CLPTM1: variants seen among roughly 807,000 people sequenced by gnomAD.
CLPTM1 encodes putative lipid scramblase CLPTM1.
A neutral mutation model predicts 77.3 loss-of-function variants in CLPTM1; 21 were observed. That is an observed-to-expected ratio of 0.27 (90% CI 0.19 to 0.39). The LOEUF (loss-of-function observed/expected upper bound fraction) is 0.39. CLPTM1 is among the 10% of genes least tolerant of loss of function. CLPTM1 has a pLI of 1.00. For synonymous variants in CLPTM1, 373 were observed against 381.0 expected, an observed-to-expected ratio of 0.98 and a Z score of 0.24; for missense variants, 642 against 921.2, an observed-to-expected ratio of 0.70 and a Z score of 3.92.
chr19:44,968,332 T>C (rs1244680364), intron 2 of CLPTM1, among the ~76,000 whole-genome samples: 1 of 152,204 alleles, frequency 6.6e-6, no homozygotes, highest in Non-Finnish European at 1.5e-5. Flanking sequence ...GTCTGTGTTT[T>C]TGAGCACATG....
upstream of CLPTM1, chr19:44,954,922 G>C (rs1309285712): frequency 1.4e-6 from 2 of 1,476,622 alleles, no homozygotes; most frequent in Admixed American, 2.1e-5. Flanking sequence ...CTAGTTCTTC[G>C]AATCAGAATA....
chr19:44,991,446 C>A lies in CLPTM1; in HGVS notation c.1555+73C>A. ...GGGCTCACAGCCCCAGTGTAGGAGA[C>A]AGACCCATCCCCAGACAGGGACAAC... On this transcript the variant is annotated intron_variant, in intron 12 of 13. Coordinates refer to ENST00000337392, the MANE Select transcript of CLPTM1 (RefSeq NM_001294.4). The surrounding 1 kb of genome is among the most constrained non-coding windows in gnomAD (Gnocchi z 5.4). 6.4e-7 allele frequency: 1 copy of A among 1,556,174 alleles called. No homozygotes were observed.
chr19:44,987,499 C>T (rs752168697), intron 8 of CLPTM1, 76 bp downstream of exon 8: 35 of 1,575,022 alleles, frequency 2.2e-5, no homozygotes, highest in Non-Finnish European at 3.0e-5. Context: ...TGTGCCAGGC[C>T]TGGGCTGTGG....
intron 2 of CLPTM1, among the ~76,000 whole-genome samples, chr19:44,968,189 T>C (rs369408213): frequency 6.6e-6 from 1 of 152,284 alleles, no homozygotes; most frequent in East Asian, 1.9e-4. Context: ...AAACATCAGT[T>C]CGGGTGGGTG....
chr19:44,955,214 T>C, upstream of CLPTM1: 1 of 1,526,356 alleles, frequency 6.6e-7, no homozygotes. Flanking sequence ...GAAAGACGAG[T>C]ACGGTGGCCA....
chr19:44,962,288 T>C (rs1411104250), intron 2 of CLPTM1, among the ~76,000 whole-genome samples: 1 of 152,218 alleles, frequency 6.6e-6, no homozygotes, highest in East Asian at 1.9e-4. Context: ...GAACCTGTTC[T>C]GGTTTTTGGG....
chr19:44,971,867 C>CAATTATACTT (rs1555721133), intron 2 of CLPTM1, among the ~76,000 whole-genome samples: 2 of 83,288 alleles, frequency 2.4e-5, no homozygotes, highest in Non-Finnish European at 4.3e-5. Context: ...CCCAATTATA[C>CAATTATACTT]TTTTTTTTTT....
At chr19:44,954,954 T>C (rs1343138977), upstream of CLPTM1, 2 of 1,531,446 alleles carry the variant, frequency 1.3e-6, no homozygotes, top group East Asian at 4.9e-5. Context: ...AAGGTTCCTC[T>C]GACGAAAGAG....
At chr19:44,962,102 C>G in intron 2 of CLPTM1, 27 bp downstream of exon 2, 1 of 1,366,422 alleles carries the variant, frequency 7.3e-7, no homozygotes, top group Non-Finnish European at 1.0e-6. Flanking sequence ...TGGGTTTGTT[C>G]ACCGAAAACA....
intron 5 of CLPTM1, among the ~76,000 whole-genome samples, chr19:44,977,675 C>T (rs1970827302): frequency 6.6e-6 from 1 of 152,176 alleles, no homozygotes; most frequent in Non-Finnish European, 1.5e-5. Context: ...AAGGGAGACC[C>T]ACGGAGGCTC....
At chr19:44,981,711 G>A (rs1220042052) in intron 5 of CLPTM1, among the ~76,000 whole-genome samples, 13 of 151,966 alleles carry the variant, frequency 8.6e-5, no homozygotes, top group Admixed American at 7.2e-4. Context: ...CTAGGAGTTC[G>A]AGACCAGCCT....
Position 44,990,126 on chromosome 19 carries a change from G to A in CLPTM1, c.1133-269G>A, listed in dbSNP as rs910228699. On this transcript the variant is annotated intron_variant, in intron 9 of 13. Transcript: ENST00000337392. The surrounding 1 kb of genome is among the most constrained non-coding windows in gnomAD (Gnocchi z 4.8). ...AGCCCTGTCCATGGCACCAGTCACC[G>A]TCACCATCAGTCAAGGGACTGCACC... The A allele has an allele frequency of 3.8e-5, 18 of 468,866 alleles. No individual in the cohort carries two copies. The highest frequency in any genetic ancestry group is 1.8e-4 in the Admixed American group (5 of 28,318). 29.0% of individuals were successfully genotyped at this position (468,866 alleles called of 1,614,324 possible). A position where few individuals can be genotyped will look rare whatever the true frequency, so the allele number is the denominator to read the frequency against.
intron 1 of CLPTM1, 75 bp downstream of exon 1, chr19:44,955,542 T>TG: frequency 8.2e-7 from 1 of 1,218,430 alleles, no homozygotes; most frequent in Non-Finnish European, 1.0e-6. Context: ...TCCTACCTCT[T>TG]GTCACGGAAT....
At chr19:44,959,941 G>A (rs960047137) in intron 1 of CLPTM1, among the ~76,000 whole-genome samples, 3 of 152,136 alleles carry the variant, frequency 2.0e-5, no homozygotes, top group South Asian at 2.1e-4. Flanking sequence ...CATCACTAAC[G>A]GGTAAGCGAA....
chr19:44,973,971 G>GC (rs11396832), intron 3 of CLPTM1, among the ~76,000 whole-genome samples: 152,114 of 152,120 alleles, frequency 1, 76,054 homozygotes, highest in Middle Eastern at 1. Context: ...TACCTTTTTG[G>GC]TACGCTGGTC....
At chr19:44,963,936 T>TTC (rs1461810844) in intron 2 of CLPTM1, among the ~76,000 whole-genome samples, 1 of 151,386 alleles carries the variant, frequency 6.6e-6, no homozygotes, top group African/African-American at 2.4e-5. Flanking sequence ...ATTTTTGCTT[T>TTC]TTTTTTTTTT....
At chr19:44,987,864 C>G in intron 8 of CLPTM1, 1 of 602,040 alleles carries the variant, frequency 1.7e-6, no homozygotes, top group Non-Finnish European at 3.0e-6. Flanking sequence ...CTCCCTTGGC[C>G]TCTGCCTCTT....
At position 44,987,236 on chromosome 19, in the gene CLPTM1, A is replaced by G; in HGVS notation, c.851A>G (p.Tyr284Cys). The change falls in exon 8 of 14, where the codon TAC (tyrosine) becomes TGC (cysteine). Residue 284 changes from tyrosine (Y) to cysteine (C), a missense_variant. Around this residue, in one of 2 missense-constraint regions of CLPTM1, gnomAD observed 521 missense variants for 800.4 expected, o/e 0.65. Transcript: ENST00000337392. ...DYYPIIYFND[Y>C]WNLQKDYYPI... ...TATCCCATCATCTACTTCAATGACT[A>G]CTGGAACCTGCAGAAGGACTACTAC... is the stretch of plus-strand genomic sequence containing the variant. The G allele has an allele frequency of 6.2e-7, 1 of 1,614,198 alleles. No homozygotes were observed. The highest frequency in any genetic ancestry group is 8.5e-7 in the Non-Finnish European group (1 of 1,180,016).
At chr19:44,967,529 T>G (rs888091504) in intron 2 of CLPTM1, among the ~76,000 whole-genome samples, 1 of 152,010 alleles carries the variant, frequency 6.6e-6, no homozygotes, top group African/African-American at 2.4e-5. Flanking sequence ...TGGCGGCTTA[T>G]GCCTGTAATC....
Sources: gnomAD v4.1 joint callset for allele counts (sites outside exome capture counted in the v4.1 genomes callset) on GRCh38, gnomAD v4.1.1 for gene constraint, gnomAD v4.1.1 regional missense constraint, Gnocchi (gnomAD v3.1) non-coding constraint, MANE v1.5 for transcripts, NCBI Gene and HGNC (gene_info 2026-07-23, HGNC 2026-07-21) for gene names.